Variants in NEDD9 observed in about 807,000 individuals in gnomAD.
NEDD9 encodes the protein enhancer of filamentation 1.
In NEDD9, 26 loss-of-function variants were observed where a neutral mutation model predicts 76.6. That is an observed-to-expected ratio of 0.34 (90% CI 0.25 to 0.47). NEDD9 has a LOEUF of 0.47. Among genes scored for constraint, NEDD9 ranks in the 20% least tolerant of loss-of-function variants. The pLI is 1.00. For missense variants in NEDD9, 937 were observed against 1,058.5 expected, an observed-to-expected ratio of 0.89 and a Z score of 1.59; for synonymous variants, 392 against 414.2, an observed-to-expected ratio of 0.95 and a Z score of 0.65.
chr6:11,283,730 G>A (rs1760584013), intron 3 of NEDD9, among the ~76,000 whole-genome samples: 1 of 152,162 alleles, frequency 6.6e-6, no homozygotes, highest in African/African-American at 2.4e-5. Context: ...AAAGGTTAAT[G>A]ATTGCTTTTC....
At chr6:11,265,245 T>C (rs1760181370) in intron 3 of NEDD9, among the ~76,000 whole-genome samples, 1 of 152,244 alleles carries the variant, frequency 6.6e-6, no homozygotes, top group Non-Finnish European at 1.5e-5. Context: ...AAGAACTTCT[T>C]TGTGTCTACC....
At chr6:11,300,715 T>G (rs1396320823) in intron 3 of NEDD9, among the ~76,000 whole-genome samples, 2 of 152,186 alleles carry the variant, frequency 1.3e-5, no homozygotes, top group African/African-American at 4.8e-5. Flanking sequence ...TATTCAACAT[T>G]CTTAAAGAAA....
intron 1 of NEDD9, among the ~76,000 whole-genome samples, chr6:11,379,793 G>A (rs1375431001): frequency 1.3e-5 from 2 of 152,106 alleles, no homozygotes; most frequent in East Asian, 1.9e-4. Context: ...GCCTCAGATC[G>A]ACTTTCTCTT....
chr6:11,367,286 C>A (rs1024549862), intron 1 of NEDD9, among the ~76,000 whole-genome samples: 5 of 152,228 alleles, frequency 3.3e-5, no homozygotes, highest in African/African-American at 1.2e-4. Flanking sequence ...TTAAGGAAGA[C>A]AAAAGCTTAC....
At chr6:11,318,994 T>C (rs1761667528) in intron 2 of NEDD9, among the ~76,000 whole-genome samples, 1 of 152,270 alleles carries the variant, frequency 6.6e-6, no homozygotes. Flanking sequence ...CGAGGGCCAT[T>C]TAACCAAGAG....
chr6:11,362,479 C>T (rs1762695416), intron 1 of NEDD9, among the ~76,000 whole-genome samples: 1 of 152,070 alleles, frequency 6.6e-6, no homozygotes, highest in African/African-American at 2.4e-5. Flanking sequence ...CTAGTAGCAA[C>T]CAGGGCTACC....
intron 2 of NEDD9, among the ~76,000 whole-genome samples, chr6:11,209,787 C>G (rs1272998611): frequency 6.6e-6 from 1 of 152,182 alleles, no homozygotes; most frequent in African/African-American, 2.4e-5. Flanking sequence ...ACTCTCTCCA[C>G]AATTCTCACA....
intron 6 of NEDD9, among the ~76,000 whole-genome samples, chr6:11,185,887 G>C (rs1172614113): frequency 6.6e-6 from 1 of 152,198 alleles, no homozygotes; most frequent in African/African-American, 2.4e-5. Context: ...TCTATGATTG[G>C]ACTACTGGTC....
At chr6:11,196,585 T>C (rs565295183) in intron 2 of NEDD9, among the ~76,000 whole-genome samples, 18 of 152,284 alleles carry the variant, frequency 1.2e-4, no homozygotes, top group Non-Finnish European at 2.6e-4. Flanking sequence ...CCTGTGGTCT[T>C]CTGGTTTTTT....
At chr6:11,299,987 A>G (rs1437562093) in intron 3 of NEDD9, among the ~76,000 whole-genome samples, 1 of 152,218 alleles carries the variant, frequency 6.6e-6, no homozygotes, top group Non-Finnish European at 1.5e-5. Flanking sequence ...CCAGCAAAGG[A>G]ACAAAACGGG....
At position 11,190,908 on chromosome 6, in the gene NEDD9, G is replaced by C. The variant is rs927330533; in HGVS notation, c.961C>G (p.Arg321Gly). Residue 321 changes from arginine to glycine, a missense_variant, in exon 5 of 7, where the codon CGA becomes GGA. Coordinates refer to ENST00000379446, the MANE Select transcript of NEDD9 (RefSeq NM_006403.4). The surrounding 1 kb of genome is among the most constrained non-coding windows in gnomAD (Gnocchi z 5.8). ...GSQNDAYDVP[R>G]GVQFLEPPAE... ...GGTGGCTCAAGAAACTGAACGCCTC[G>C]GGGGACATCATATGCGTCGTTCTGA... is the stretch of plus-strand genomic sequence containing the variant. 1 of 1,614,062 alleles carries C rather than the reference G, an allele frequency of 6.2e-7. No individual in the cohort carries two copies. The highest frequency in any genetic ancestry group is 1.1e-5 in the South Asian group (1 of 91,076).
At chr6:11,356,735 C>G (rs527835504) in intron 1 of NEDD9, among the ~76,000 whole-genome samples, 16 of 148,132 alleles carry the variant, frequency 1.1e-4, no homozygotes, top group South Asian at 2.2e-4. Flanking sequence ...CCACCCCCCC[C>G]ACCCTTTCCC....
At chr6:11,221,673 G>A (rs1351946105) in intron 1 of NEDD9, among the ~76,000 whole-genome samples, 5 of 152,154 alleles carry the variant, frequency 3.3e-5, no homozygotes, top group Non-Finnish European at 5.9e-5. Flanking sequence ...AGTCAGCACT[G>A]TTGCTATTAA....
intron 1 of NEDD9, among the ~76,000 whole-genome samples, chr6:11,372,471 G>T (rs971168257): frequency 6.6e-6 from 1 of 152,234 alleles, no homozygotes; most frequent in East Asian, 1.9e-4. Flanking sequence ...CAGGACTGCA[G>T]ATATGTCTTT....
chr6:11,350,072 T>C (rs1223454498), intron 1 of NEDD9, among the ~76,000 whole-genome samples: 1 of 152,200 alleles, frequency 6.6e-6, no homozygotes. Context: ...GCCTGGGCAA[T>C]ACAGTTTGAT....
At chr6:11,254,201 A>G (rs764136778) in intron 3 of NEDD9, among the ~76,000 whole-genome samples, 1 of 151,980 alleles carries the variant, frequency 6.6e-6, no homozygotes, top group East Asian at 1.9e-4. Context: ...GCTCACTGCA[A>G]TCTCTGCCTC....
Position 11,321,868 on chromosome 6 carries a change from G to A in NEDD9, c.-153+12633C>T, listed in dbSNP as rs973079703. ...AGAAAGTATCTGTGAACAAAGAAAT[G>A]CAATGTTAGTGGGCTAATTTCCATA... On this transcript the variant is annotated intron_variant, in intron 2 of 3. Coordinates refer to the NEDD9 transcript ENST00000397378. Among the ~76,000 whole-genome samples the A allele has an allele frequency of 2.6e-5, 4 of 152,230 alleles. No individual in the cohort carries two copies. The South Asian group carries it at 8.3e-4, about 32-fold the overall frequency.
Position 11,317,428 on chromosome 6 carries a change from TA to T in NEDD9, c.-152-11274del, listed in dbSNP as rs1244935045. On this transcript the variant is annotated intron_variant, in intron 2 of 3. Transcript: ENST00000397378. The stretch of plus-strand genomic sequence containing the variant: ...GAGGCTCCGTCTCAAAAAAATAAAT[TA>T]AAAAAAAAAAAGATAGATAGGAAGA... Among the ~76,000 whole-genome samples, 183 of 138,060 alleles carry T rather than the reference TA, an allele frequency of 1.3e-3. 1 individual carries two copies. The East Asian group carries it at 0.022, about 16-fold the overall frequency. 90.6% of individuals were successfully genotyped at this position (138,060 alleles called of 152,430 possible).
chr6:11,225,831 G>A (rs563080125), intron 1 of NEDD9, among the ~76,000 whole-genome samples: 113 of 149,058 alleles, frequency 7.6e-4, no homozygotes, highest in Non-Finnish European at 3.9e-4. Flanking sequence ...AAGAATAACT[G>A]GGATTTAATA....
Sources: allele counts gnomAD v4.1 joint callset (sites outside exome capture counted in the v4.1 genomes callset), GRCh38; gene constraint gnomAD v4.1.1; non-coding constraint Gnocchi (gnomAD v3.1); transcripts MANE v1.5; gene names NCBI Gene and HGNC (gene_info 2026-07-23, HGNC 2026-07-21).